The following PRDM6 variants were observed in gnomAD, a reference collection of about 807,000 sequenced individuals.
PRDM6 encodes putative histone-lysine N-methyltransferase PRDM6.
Under a neutral mutation model 60.8 loss-of-function variants are expected in PRDM6, and 25 were observed. The observed-to-expected ratio is 0.41, with a 90% CI of 0.30 to 0.57. The LOEUF (loss-of-function observed/expected upper bound fraction) is 0.57. PRDM6 is among the 20% of genes least tolerant of loss of function. The probability of loss-of-function intolerance (pLI) is 0.27; values close to 1 mark genes in which losing one functional copy is unlikely to be tolerated. For synonymous variants in PRDM6, 407 were observed against 357.4 expected, an observed-to-expected ratio of 1.14 and a Z score of -1.57; for missense variants, 839 against 821.3, an observed-to-expected ratio of 1.02 and a Z score of -0.26.
rs1421714185 is a variant in PRDM6 at position 123,189,589 on chromosome 5, C to T, written c.*2388C>T. The stretch of plus-strand genomic sequence containing the variant: ...GTAACCTGTACTCCAAAACACTCTT[C>T]TAGTGTTCTGCTCCATTTAAATCTA... On this transcript the variant is annotated 3_prime_UTR_variant, in exon 8 of 8. Coordinates refer to ENST00000407847, the MANE Select transcript of PRDM6 (RefSeq NM_001136239.4). 6.6e-6 allele frequency: 1 copy of T among 152,238 alleles called. No homozygotes were observed. Among genetic ancestry groups the T allele is most frequent in the Non-Finnish European group, 1.5e-5 (1 of 68,046 alleles). 9.4% of individuals were successfully genotyped at this position (152,238 alleles called of 1,614,324 possible). A position where few individuals can be genotyped will look rare whatever the true frequency, so the allele number is the denominator to read the frequency against.
chr5:123,124,472 A>C lies in PRDM6; in HGVS notation c.900+24511A>C, dbSNP rs574244573. ...GCTAAGACAAAAATATTATTGCTCC[A>C]TTGGTAAATGTATTTACCCAAATCT... On this transcript the variant is annotated intron_variant, in intron 3 of 7. Coordinates refer to ENST00000407847, the MANE Select transcript of PRDM6 (RefSeq NM_001136239.4). Among the ~76,000 whole-genome samples, 4 of 152,380 alleles carry C rather than the reference A, an allele frequency of 2.6e-5. No individual in the cohort carries two copies. The East Asian group carries it at 7.7e-4, about 29-fold the overall frequency.
At chr5:123,116,718 A>C (rs1384848391) in intron 3 of PRDM6, among the ~76,000 whole-genome samples, 5 of 152,184 alleles carry the variant, frequency 3.3e-5, no homozygotes, top group Admixed American at 3.3e-4. Flanking sequence ...TGGGACCTAG[A>C]GGGACGGTCA....
intron 3 of PRDM6, among the ~76,000 whole-genome samples, chr5:123,117,014 C>T (rs1185849414): frequency 1.3e-5 from 2 of 152,142 alleles, no homozygotes; most frequent in East Asian, 3.8e-4. Flanking sequence ...TTGTTTTGTA[C>T]CCTAATAAGC....
At chr5:123,152,815 G>T (rs1347826337) in intron 3 of PRDM6, among the ~76,000 whole-genome samples, 2 of 152,260 alleles carry the variant, frequency 1.3e-5, no homozygotes, top group East Asian at 3.9e-4. Context: ...TAATATCCAG[G>T]ATCACAATAC....
chr5:123,093,447 T>C (rs1255821343), intron 2 of PRDM6, among the ~76,000 whole-genome samples: 1 of 152,220 alleles, frequency 6.6e-6, no homozygotes, highest in Non-Finnish European at 1.5e-5. Flanking sequence ...TCTTTCGTTC[T>C]AAAAGATTTT....
At chr5:123,111,710 A>C (rs1410655005) in intron 3 of PRDM6, among the ~76,000 whole-genome samples, 2 of 115,756 alleles carry the variant, frequency 1.7e-5, no homozygotes, top group Non-Finnish European at 4.0e-5. Flanking sequence ...AACAAAACAA[A>C]AAAAAAACAA....
chr5:123,186,730 T>G (rs564798364), intron 7 of PRDM6, among the ~76,000 whole-genome samples: 1 of 152,348 alleles, frequency 6.6e-6, no homozygotes, highest in East Asian at 1.9e-4. Context: ...CAATTTCTCT[T>G]TGGGGTTACA....
chr5:123,180,900 A>G (rs1766141988), intron 7 of PRDM6, among the ~76,000 whole-genome samples: 1 of 152,230 alleles, frequency 6.6e-6, no homozygotes, highest in Non-Finnish European at 1.5e-5. Flanking sequence ...AAAGAAAAAC[A>G]AAACCAAACC....
chr5:123,128,153 TA>T (rs1764737282), intron 3 of PRDM6, among the ~76,000 whole-genome samples: 1 of 152,240 alleles, frequency 6.6e-6, no homozygotes, highest in African/African-American at 2.4e-5. Context: ...CACATTTTCT[TA>T]ATCCAGTCTA....
Position 123,130,350 on chromosome 5 carries a change from C to A in PRDM6, c.901-25534C>A, listed in dbSNP as rs893888761. Among the ~76,000 whole-genome samples, 5 of 133,370 alleles carry A rather than the reference C, an allele frequency of 3.7e-5. No individual in the cohort carries two copies. In the Admixed American group the frequency reaches 4.0e-4, roughly 11 times the overall value. The allele number at this position is 133,370 out of a possible 152,430, so 87.5% of individuals were successfully genotyped here. A position where few individuals can be genotyped will look rare whatever the true frequency, so the allele number is the denominator to read the frequency against. On this transcript the variant is annotated intron_variant, in intron 3 of 7. Transcript: ENST00000407847. The stretch of plus-strand genomic sequence containing the variant: ...CCTCCCTCCTTCCCTTTTTCTCTCC[C>A]TCCTTTTTTTCTTCCCTCCTCCTTT...
chr5:123,089,909 C>T, intron 1 of PRDM6, 91 bp from the exon 2 acceptor site: 2 of 969,778 alleles, frequency 2.1e-6, no homozygotes, highest in Non-Finnish European at 3.0e-6. Flanking sequence ...GAACCACCGG[C>T]TCGGGCACTT....
intron 3 of PRDM6, among the ~76,000 whole-genome samples, chr5:123,138,960 A>G (rs1241463445): frequency 3.3e-5 from 5 of 152,192 alleles, no homozygotes; most frequent in African/African-American, 1.2e-4. Context: ...TGATTGAATC[A>G]TGGGGGTGGT....
chr5:123,144,976 C>T (rs949611075), intron 3 of PRDM6, among the ~76,000 whole-genome samples: 1 of 152,168 alleles, frequency 6.6e-6, no homozygotes, highest in African/African-American at 2.4e-5. Context: ...AAACAACCAA[C>T]CAACTGACAG....
intron 3 of PRDM6, among the ~76,000 whole-genome samples, chr5:123,146,979 G>T (rs974050204): frequency 6.6e-6 from 1 of 152,108 alleles, no homozygotes; most frequent in Non-Finnish European, 1.5e-5. Flanking sequence ...TGATTAGTTA[G>T]ATATAAATGT....
intron 3 of PRDM6, among the ~76,000 whole-genome samples, chr5:123,115,400 A>C (rs1202785333): frequency 6.6e-6 from 1 of 152,042 alleles, no homozygotes; most frequent in Non-Finnish European, 1.5e-5. Flanking sequence ...AATCTCTTTT[A>C]CCTCCTCTAC....
intron 3 of PRDM6, among the ~76,000 whole-genome samples, chr5:123,146,046 G>C (rs545019985): frequency 6.6e-6 from 1 of 152,270 alleles, no homozygotes; most frequent in South Asian, 2.1e-4. Flanking sequence ...CTATTTTTTA[G>C]AGATGTTCCC....
intron 4 of PRDM6, 24 bp from the exon 5 acceptor site, chr5:123,159,490 T>C (rs1297415368): frequency 6.5e-7 from 1 of 1,549,012 alleles, no homozygotes; most frequent in East Asian, 2.4e-5. Flanking sequence ...ATTACTAAGC[T>C]GGGTTTTCTT....
chr5:123,118,246 A>G (rs1050003706), intron 3 of PRDM6, among the ~76,000 whole-genome samples: 5 of 152,226 alleles, frequency 3.3e-5, no homozygotes, highest in Non-Finnish European at 7.3e-5. Context: ...GATAAATGGC[A>G]AATGCAAAAG....
intron 3 of PRDM6, among the ~76,000 whole-genome samples, chr5:123,149,779 A>G: frequency 6.6e-6 from 1 of 152,164 alleles, no homozygotes; most frequent in East Asian, 1.9e-4. Context: ...TAACACGTCA[A>G]CTGTTTTACT....
Sources: allele counts gnomAD v4.1 joint callset (sites outside exome capture counted in the v4.1 genomes callset), GRCh38; gene constraint gnomAD v4.1.1; transcripts MANE v1.5; gene names NCBI Gene and HGNC (gene_info 2026-07-23, HGNC 2026-07-21).